The following WWC2 variants were observed in gnomAD, a reference collection of about 807,000 sequenced individuals.
WWC2 encodes WW and C2 domain containing 2, also known as protein WWC2.
A neutral mutation model predicts 138.5 loss-of-function variants in WWC2; 101 were observed. The observed-to-expected ratio is 0.73, with a 90% CI of 0.62 to 0.86. WWC2 has a LOEUF of 0.86. WWC2 is among the 40% of genes least tolerant of loss of function. WWC2 has a pLI of 0.00. For missense variants in WWC2, 1,420 were observed against 1,419.4 expected (o/e 1.00, Z -0.01); for synonymous variants, 558 against 538.4 (o/e 1.04, Z -0.50).
At chr4:183,140,232 A>G (rs1733260492) in intron 1 of WWC2, among the ~76,000 whole-genome samples, 2 of 152,228 alleles carry the variant, frequency 1.3e-5, no homozygotes, top group East Asian at 1.9e-4. Context: ...AGGAATGTAC[A>G]GTGGGGAGGA....
chr4:183,225,101 A>G (rs1560852520), intron 4 of WWC2, among the ~76,000 whole-genome samples: 1 of 152,164 alleles, frequency 6.6e-6, no homozygotes, highest in Non-Finnish European at 1.5e-5. Flanking sequence ...TCAGACATTT[A>G]TTCAAGAAAC....
chr4:183,210,524 T>C (rs1202344126), intron 4 of WWC2, among the ~76,000 whole-genome samples: 5 of 152,356 alleles, frequency 3.3e-5, no homozygotes, highest in African/African-American at 9.6e-5. Flanking sequence ...ACTATCTCCA[T>C]GTATGCCATA....
At chr4:183,105,390 A>G (rs981150335) in intron 1 of WWC2, among the ~76,000 whole-genome samples, 2 of 152,054 alleles carry the variant, frequency 1.3e-5, no homozygotes, top group African/African-American at 4.8e-5. Flanking sequence ...TTGCTTACTT[A>G]TTTTCAGTAA....
chr4:183,311,053 G>A (rs1739197471), intron 21 of WWC2, among the ~76,000 whole-genome samples: 1 of 152,098 alleles, frequency 6.6e-6, no homozygotes, highest in South Asian at 2.1e-4. Context: ...TGGTAGAAAT[G>A]GAATTTGACC....
In WWC2 at chr4:183,268,919, T is replaced by C; in HGVS notation, c.2208-52T>C. ...GATAATTTCAAATGATAGCTGTGAA[T>C]CTGGTATAATTAAAGTACCTATGAA... On this transcript the variant is annotated intron_variant, in intron 14 of 22. Transcript: ENST00000403733. 3 of 1,492,344 alleles carry C rather than the reference T, an allele frequency of 2.0e-6. No individual in the cohort carries two copies. The East Asian group carries it at 6.8e-5, about 34-fold the overall frequency. The allele number at this position is 1,492,344 out of a possible 1,614,324, so 92.4% of individuals were successfully genotyped here. A position where few individuals can be genotyped will look rare whatever the true frequency, so the allele number is the denominator to read the frequency against.
At position 183,178,423 on chromosome 4, in the gene WWC2, T is replaced by A. The variant is rs1734526227; in HGVS notation, c.132-15176T>A. 3.4e-5 allele frequency among the ~76,000 whole-genome samples: 4 copies of A among 117,962 alleles called. No individual in the cohort carries two copies. The Admixed American group carries it at 3.5e-4, about 10-fold the overall frequency. 77.4% of individuals were successfully genotyped at this position (117,962 alleles called of 152,430 possible). A position where few individuals can be genotyped will look rare whatever the true frequency, so the allele number is the denominator to read the frequency against. ...AAATAAATAAATAAATAAATAAATTTAAAAAATTAGCCAGGCATAGTGGCA... is the reference window on the plus strand; with the variant it reads ...AAATAAATAAATAAATAAATAAATTAAAAAAATTAGCCAGGCATAGTGGCA... On this transcript the variant is annotated intron_variant, in intron 1 of 22. Transcript: ENST00000403733.
chr4:183,213,800 G>A (rs1735674407), intron 4 of WWC2, among the ~76,000 whole-genome samples: 1 of 151,884 alleles, frequency 6.6e-6, no homozygotes. Flanking sequence ...ATTTTTTAAG[G>A]AAGAAGAATA....
At chr4:183,272,518 G>A (rs937765423) in intron 16 of WWC2, among the ~76,000 whole-genome samples, 3 of 152,130 alleles carry the variant, frequency 2.0e-5, no homozygotes, top group Admixed American at 6.5e-5. Context: ...AGTTGTGTGT[G>A]CAACCAACTT....
At chr4:183,277,733 G>C (rs1737908468) in intron 16 of WWC2, among the ~76,000 whole-genome samples, 1 of 147,678 alleles carries the variant, frequency 6.8e-6, no homozygotes, top group South Asian at 2.2e-4. Context: ...GATGGCCAGT[G>C]ATGGTGAGCA....
chr4:183,288,724 GC>G (rs1738333930), intron 20 of WWC2, among the ~76,000 whole-genome samples: 1 of 152,288 alleles, frequency 6.6e-6, no homozygotes, highest in South Asian at 2.1e-4. Context: ...GGTTAAGATT[GC>G]CCCTGGGAAG....
At chr4:183,247,632 ATATATACTATATATAC>A (rs1403053879) in intron 6 of WWC2, among the ~76,000 whole-genome samples, 22 of 136,750 alleles carry the variant, frequency 1.6e-4, no homozygotes, top group East Asian at 4.1e-4. Flanking sequence ...ACTATATACT[ATATATACTATATATAC>A]TATATACTAT....
intron 5 of WWC2, among the ~76,000 whole-genome samples, chr4:183,244,549 T>A (rs1328824482): frequency 6.6e-6 from 1 of 151,524 alleles, no homozygotes; most frequent in Non-Finnish European, 1.5e-5. Flanking sequence ...CTCATAACTT[T>A]CATAAAAGCA....
intron 21 of WWC2, among the ~76,000 whole-genome samples, chr4:183,297,938 T>C (rs1007494270): frequency 6.6e-6 from 1 of 152,136 alleles, no homozygotes; most frequent in Non-Finnish European, 1.5e-5. Context: ...ATGGCACATG[T>C]TGGCTTCAAC....
intron 1 of WWC2, among the ~76,000 whole-genome samples, chr4:183,187,365 C>A (rs1401119356): frequency 6.6e-6 from 1 of 151,120 alleles, no homozygotes; most frequent in Non-Finnish European, 1.5e-5. Context: ...ACCCGCCTGG[C>A]CAACATGGTG....
chr4:183,178,836 A>G (rs955051222), intron 1 of WWC2, among the ~76,000 whole-genome samples: 2 of 152,230 alleles, frequency 1.3e-5, no homozygotes, highest in Non-Finnish European at 2.9e-5. Flanking sequence ...AAGTCCCCTT[A>G]CTGCAGGAGC....
chr4:183,265,925 C>G lies in WWC2; in HGVS notation c.2181C>G (p.Ala727=). The change falls in exon 14 of 23, where the codon GCC becomes GCG. Residue 727 remains alanine, a synonymous_variant. Coordinates refer to ENST00000403733, the MANE Select transcript of WWC2 (RefSeq NM_024949.6). The part of the protein sequence containing the change: ...VIIAQLRNLH[A]FLIPHTSKVY... ...TAGCACAGCTCCGAAACCTTCATGC[C>G]TTCTTGATACCTCATACTTCAAAAG... 14 of 1,613,048 alleles carry G rather than the reference C, an allele frequency of 8.7e-6. No homozygotes were observed. The highest frequency in any genetic ancestry group is 1.2e-5 in the Non-Finnish European group (14 of 1,179,538).
intron 16 of WWC2, among the ~76,000 whole-genome samples, 182 bp from the exon 17 acceptor site, chr4:183,280,594 G>C (rs527598651): frequency 6.6e-6 from 1 of 152,094 alleles, no homozygotes; most frequent in Admixed American, 6.5e-5. Context: ...GCTCTTCATT[G>C]CTTTAAAACA....
At chr4:183,264,831 T>G in intron 11 of WWC2, 147 bp from the exon 12 acceptor site, 1 of 852,988 alleles carries the variant, frequency 1.2e-6, no homozygotes, top group Non-Finnish European at 1.6e-6. Context: ...TTGAGTTGTT[T>G]ACAGCTGTAG....
At chr4:183,115,643 C>T (rs1252621015) in intron 1 of WWC2, among the ~76,000 whole-genome samples, 1 of 152,008 alleles carries the variant, frequency 6.6e-6, no homozygotes, top group African/African-American at 2.4e-5. Context: ...TTTCATATGC[C>T]TTCTTTTGAG....
Sources: allele counts gnomAD v4.1 joint callset (sites outside exome capture counted in the v4.1 genomes callset), GRCh38; gene constraint gnomAD v4.1.1; transcripts MANE v1.5; gene names NCBI Gene and HGNC (gene_info 2026-07-23, HGNC 2026-07-21).